Variants in SEPTIN2 observed in about 807,000 individuals in gnomAD.
The protein encoded by SEPTIN2 is septin-2.
A neutral mutation model predicts 46.5 loss-of-function variants in SEPTIN2; 34 were observed. The observed-to-expected ratio is 0.73, with a 90% confidence interval of 0.56 to 0.97. The LOEUF (loss-of-function observed/expected upper bound fraction) is 0.97, where lower values mean the gene tolerates loss of function less well. Ranked by LOEUF, SEPTIN2 falls within the 50% of genes least tolerant of loss-of-function variation. The pLI is 0.00. For synonymous variants in SEPTIN2, 175 were observed against 153.4 expected, an observed-to-expected ratio of 1.14 and a Z score of -1.04; for missense variants, 347 against 448.4, an observed-to-expected ratio of 0.77 and a Z score of 2.04.
chr2:241,332,150 AT>A (rs1211241064), intron 3 of SEPTIN2, among the ~76,000 whole-genome samples: 9 of 149,198 alleles, frequency 6.0e-5, no homozygotes, highest in Admixed American at 2.0e-4. Context: ...TAGTAAGCAG[AT>A]TTCTTAAGAC....
intron 7 of SEPTIN2, among the ~76,000 whole-genome samples, chr2:241,338,424 G>A (rs984883623): frequency 6.6e-6 from 1 of 150,816 alleles, no homozygotes; most frequent in Non-Finnish European, 1.5e-5. Flanking sequence ...ATACCGGTAC[G>A]TGCATAAAAA....
chr2:241,324,340 C>A, intron 2 of SEPTIN2, 99 bp downstream of exon 2: 5 of 893,180 alleles, frequency 5.6e-6, no homozygotes, highest in Non-Finnish European at 9.0e-6. Context: ...ATTTTTAATA[C>A]AACTGATACA....
intron 11 of SEPTIN2, among the ~76,000 whole-genome samples, chr2:241,349,092 G>T (rs1336877823): frequency 6.6e-6 from 1 of 152,082 alleles, no homozygotes; most frequent in Non-Finnish European, 1.5e-5. Flanking sequence ...AGGCACTGTG[G>T]GTTACACTTA....
chr2:241,330,821 G>A (rs2149982665), intron 3 of SEPTIN2, among the ~76,000 whole-genome samples: 1 of 152,302 alleles, frequency 6.6e-6, no homozygotes, highest in Non-Finnish European at 1.5e-5. Flanking sequence ...AGTTATCAAG[G>A]AGGAAGATGA....
At chr2:241,343,970 TG>T (rs1394396312) in intron 9 of SEPTIN2, 73 bp downstream of exon 9, 3 of 1,560,000 alleles carry the variant, frequency 1.9e-6, no homozygotes, top group South Asian at 1.1e-5. Flanking sequence ...GGTGTACACT[TG>T]GCCCCCAAGA....
chr2:241,345,487 C>T (rs1575377958), intron 9 of SEPTIN2, among the ~76,000 whole-genome samples: 2 of 152,148 alleles, frequency 1.3e-5, no homozygotes, highest in East Asian at 3.9e-4. Flanking sequence ...GTAGAGTGAG[C>T]CACTCCTTGG....
chr2:241,324,497 C>G (rs1171089654), intron 2 of SEPTIN2: 1 of 472,810 alleles, frequency 2.1e-6, no homozygotes, highest in Non-Finnish European at 4.0e-6. Flanking sequence ...AAGCGATTCC[C>G]CTGGCTCAGC....
At chr2:241,318,702 CTT>C (rs1284874061) in intron 1 of SEPTIN2, among the ~76,000 whole-genome samples, 29 of 132,366 alleles carry the variant, frequency 2.2e-4, no homozygotes, top group Admixed American at 2.3e-4. Context: ...TTTGTATTTT[CTT>C]TTTTTTTTTT....
rs2078027112 is a variant in SEPTIN2, at chr2:241,326,667, C to T, written c.130+554C>T. ...GGCATTATGGCCCCCCACCTTGCCT[C>T]TTCTCAAATTACTCACTCTGGAGGA... On this transcript the variant is annotated intron_variant, in intron 3 of 12. Transcript: ENST00000391971. Among the ~76,000 whole-genome samples, 4 of 151,728 alleles carry T rather than the reference C, an allele frequency of 2.6e-5. No homozygotes were observed. In the South Asian group the frequency reaches 8.3e-4, roughly 32 times the overall value.
At chr2:241,321,933 T>G (rs1166448392) in intron 1 of SEPTIN2, among the ~76,000 whole-genome samples, 1 of 152,204 alleles carries the variant, frequency 6.6e-6, no homozygotes, top group Non-Finnish European at 1.5e-5. Flanking sequence ...TCTTTCCCTT[T>G]AGGAAGTTCT....
intron 7 of SEPTIN2, among the ~76,000 whole-genome samples, chr2:241,338,805 ATTATATTTATATT>A: frequency 9.6e-6 from 1 of 104,234 alleles, no homozygotes; most frequent in East Asian, 2.9e-4. Flanking sequence ...TATAATACAT[ATTATATTTATATT>A]ATTTATATAT....
chr2:241,350,169 G>T lies in SEPTIN2; in HGVS notation c.1081G>T (p.Val361Leu). The change falls in exon 12 of 13, where the codon GTG becomes TTG. Residue 361 changes from valine to leucine, a missense_variant. Transcript: ENST00000391971. ...CGATGGCGGGGCTCTCGGGCACCAC[G>T]TGTAAGGTGATGTGCACATATCAAG... ...DGDGGALGHH[V>L] is the part of the protein sequence containing the mutation. 1.2e-6 allele frequency: 2 copies of T among 1,611,558 alleles called. No individual in the cohort carries two copies. Among genetic ancestry groups the T allele is most frequent in the South Asian group, 2.2e-5 (2 of 90,698 alleles).
In SEPTIN2 at chr2:241,331,178, C is replaced by CA. The variant is rs199855911; in HGVS notation, c.131-3940dup. On this transcript the variant is annotated intron_variant, in intron 3 of 12. Coordinates refer to ENST00000391971, the MANE Select transcript of SEPTIN2 (RefSeq NM_004404.5). ...TGCATGACAGAGCGAGACTCCGTCT[C>CA]AAAAAAAACAAAAGAAAAAAATCAC... is the stretch of plus-strand genomic sequence containing the variant. Among the ~76,000 whole-genome samples the CA allele has an allele frequency of 7.5e-3, 1,121 of 150,404 alleles. 17 individuals are homozygous for CA. Among genetic ancestry groups the CA allele is most frequent in the African/African-American group, 0.02 (818 of 40,860 alleles).
rs915894904 is a variant in SEPTIN2, at chr2:241,350,065, G to A, written c.985-8G>A. The A allele has an allele frequency of 1.3e-5, 21 of 1,612,814 alleles. No homozygotes were observed. The highest frequency in any genetic ancestry group is 1.7e-5 in the Non-Finnish European group (20 of 1,179,264). ...TTGAAAACCTATAATGTGTGTGTGT[G>A]TTCACAGCTCCGCCGCATGCAAGAG... On this transcript the variant is annotated splice_polypyrimidine_tract_variant and splice_region_variant and intron_variant, in intron 11 of 12. Coordinates refer to ENST00000391971, the MANE Select transcript of SEPTIN2 (RefSeq NM_004404.5).
intron 9 of SEPTIN2, among the ~76,000 whole-genome samples, chr2:241,345,147 A>G (rs1479445369): frequency 1.3e-5 from 2 of 152,090 alleles, no homozygotes; most frequent in Non-Finnish European, 2.9e-5. Flanking sequence ...GGCTGAGAGT[A>G]TTGCTTAAAC....
Position 241,337,432 on chromosome 2 carries a change from A to G in SEPTIN2, c.392A>G (p.His131Arg), listed in dbSNP as rs754791289. The change falls in exon 6 of 13, where the codon CAT becomes CGT. Residue 131 changes from histidine to arginine, a missense_variant. Physicochemically the swap from His to Arg is conservative, Grantham distance 29. Coordinates refer to ENST00000391971, the MANE Select transcript of SEPTIN2 (RefSeq NM_004404.5). ...GATGAGCAATTTGAGAGGTACCTGC[A>G]TGACGAGAGCGGCTTGAACAGGCGG... ...YIDEQFERYL[H>R]DESGLNRRHI... The G allele has an allele frequency of 1.2e-6, 2 of 1,613,998 alleles. No individual in the cohort carries two copies. The highest frequency in any genetic ancestry group is 1.7e-6 in the Non-Finnish European group (2 of 1,180,002).
At chr2:241,335,591 C>G in intron 4 of SEPTIN2, 3 of 592,748 alleles carry the variant, frequency 5.1e-6, no homozygotes, top group Non-Finnish European at 9.0e-6. Context: ...CACAGGACAC[C>G]AGCATCCACA....
In SEPTIN2 at chr2:241,332,323, C is replaced by G. The variant is rs536786056; in HGVS notation, c.131-2803C>G. On this transcript the variant is annotated intron_variant, in intron 3 of 12. Transcript: ENST00000391971. ...GAATATATAAAAATATTGCACAGAT[C>G]AGTAAGACGAATGACCCACTTACAA... 8.5e-5 allele frequency among the ~76,000 whole-genome samples: 13 copies of G among 152,148 alleles called. No homozygotes were observed. In the East Asian group the frequency reaches 2.5e-3, roughly 29 times the overall value.
chr2:241,318,779 C>T (rs908438339), intron 1 of SEPTIN2, among the ~76,000 whole-genome samples: 4 of 150,796 alleles, frequency 2.7e-5, no homozygotes, highest in African/African-American at 9.8e-5. Context: ...CAGCTCACTG[C>T]ACCCTCCACC....
Sources: gnomAD v4.1 joint callset for allele counts (sites outside exome capture counted in the v4.1 genomes callset) on GRCh38, gnomAD v4.1.1 for gene constraint, MANE v1.5 for transcripts, NCBI Gene and HGNC (gene_info 2026-07-23, HGNC 2026-07-21) for gene names.